Variants in KIFAP3 observed in about 807,000 individuals in gnomAD.
KIFAP3 encodes kinesin-associated protein 3.
KIFAP3 carries 68 observed loss-of-function variants against 106.5 expected under a neutral mutation model. The observed-to-expected ratio is 0.64, with a 90% confidence interval of 0.53 to 0.78. The LOEUF (loss-of-function observed/expected upper bound fraction) is 0.78. KIFAP3 is among the 30% of genes least tolerant of loss of function. The pLI is 0.00. For synonymous variants in KIFAP3, 320 were observed against 311.5 expected (o/e 1.03, Z -0.29); for missense variants, 780 against 941.8 (o/e 0.83, Z 2.25).
At chr1:169,990,514 T>C (rs1184859226) in intron 11 of KIFAP3, among the ~76,000 whole-genome samples, 1 of 152,196 alleles carries the variant, frequency 6.6e-6, no homozygotes, top group African/African-American at 2.4e-5. Flanking sequence ...TCATACATCC[T>C]ACAATTTTTG....
intron 11 of KIFAP3, among the ~76,000 whole-genome samples, chr1:169,988,962 T>C (rs761803010): frequency 1.3e-5 from 2 of 151,562 alleles, no homozygotes; most frequent in Non-Finnish European, 3.0e-5. Context: ...AAGAAAAAAA[T>C]GGGAAAAAGA....
At chr1:170,013,498 A>C (rs74122305) in intron 10 of KIFAP3, among the ~76,000 whole-genome samples, 123 of 147,908 alleles carry the variant, frequency 8.3e-4, no homozygotes, top group African/African-American at 3.0e-3. Context: ...TATATATATA[A>C]AATACATATA....
intron 10 of KIFAP3, among the ~76,000 whole-genome samples, chr1:170,000,925 A>T (rs959950285): frequency 2.0e-5 from 3 of 152,146 alleles, no homozygotes; most frequent in African/African-American, 7.2e-5. Flanking sequence ...TGGTTCACGG[A>T]TAAGTAATTT....
chr1:169,994,996 G>C (rs2101942243), intron 10 of KIFAP3, among the ~76,000 whole-genome samples: 1 of 152,164 alleles, frequency 6.6e-6, no homozygotes, highest in East Asian at 1.9e-4. Context: ...TATTTGGCGG[G>C]CAGTAGGTAA....
At chr1:170,026,051 G>C (rs970081216) in intron 8 of KIFAP3, among the ~76,000 whole-genome samples, 3 of 152,202 alleles carry the variant, frequency 2.0e-5, no homozygotes, top group African/African-American at 7.2e-5. Flanking sequence ...GAGACCGACA[G>C]AGTGGGAAGA....
chr1:170,003,431 A>C (rs1305907311), intron 10 of KIFAP3, among the ~76,000 whole-genome samples: 1 of 152,236 alleles, frequency 6.6e-6, no homozygotes, highest in Non-Finnish European at 1.5e-5. Context: ...GTGAGGTGTC[A>C]GTCCACACCT....
intron 2 of KIFAP3, among the ~76,000 whole-genome samples, chr1:170,049,780 G>GCAA (rs570512525): frequency 2.0e-5 from 3 of 150,416 alleles, no homozygotes; most frequent in Non-Finnish European, 4.4e-5. Context: ...CACACAGAGA[G>GCAA]CAACAACAAC....
At chr1:170,018,870 T>C (rs1668662730) in intron 9 of KIFAP3, among the ~76,000 whole-genome samples, 1 of 152,182 alleles carries the variant, frequency 6.6e-6, no homozygotes, top group African/African-American at 2.4e-5. Flanking sequence ...AGCCACACTG[T>C]AGTCATACCC....
intron 1 of KIFAP3, 118 bp downstream of exon 1, chr1:170,074,318 C>G (rs1353856585): frequency 8.2e-7 from 1 of 1,221,450 alleles, no homozygotes; most frequent in Non-Finnish European, 1.2e-6. Flanking sequence ...TGACTTCTCT[C>G]CCTGCTTCCC....
At chr1:170,006,444 A>G (rs1403330173) in intron 10 of KIFAP3, among the ~76,000 whole-genome samples, 2 of 152,024 alleles carry the variant, frequency 1.3e-5, no homozygotes, top group Non-Finnish European at 2.9e-5. Flanking sequence ...CATAGAGCTT[A>G]TGTTGCTGGG....
chr1:170,012,049 T>C (rs1261830556), intron 10 of KIFAP3, among the ~76,000 whole-genome samples: 1 of 152,092 alleles, frequency 6.6e-6, no homozygotes, highest in South Asian at 2.1e-4. Flanking sequence ...TTACTAGGAA[T>C]AGAACCCTTG....
Position 169,983,300 on chromosome 1 carries a change from C to G in KIFAP3, c.1476G>C (p.Gln492His). 1 of 1,607,756 alleles carries G rather than the reference C, an allele frequency of 6.2e-7. No individual in the cohort carries two copies. The highest frequency in any genetic ancestry group is 1.3e-5 in the African/African-American group (1 of 74,684). ...ACAGATTTTTAGTTGGTCCATCATG[C>G]TGAGAAATGTTTCTAATCATTTTCA... is the stretch of plus-strand genomic sequence containing the variant. ...LLMKMIRNIS[Q>H]HDGPTKNLFI... Residue 492 changes from glutamine to histidine, a missense_variant, in exon 13 of 20, where the codon CAG becomes CAC. Transcript: ENST00000361580.
intron 19 of KIFAP3, among the ~76,000 whole-genome samples, chr1:169,945,466 C>A (rs1488889263): frequency 6.6e-6 from 1 of 152,132 alleles, no homozygotes; most frequent in African/African-American, 2.4e-5. Flanking sequence ...CTCTGTGTAG[C>A]TCACAGTGTC....
At chr1:169,969,510 C>T (rs1665799225) in intron 17 of KIFAP3, among the ~76,000 whole-genome samples, 1 of 151,928 alleles carries the variant, frequency 6.6e-6, no homozygotes, top group Admixed American at 6.6e-5. Flanking sequence ...ACCTACTTTT[C>T]CAAGTTTAGA....
intron 10 of KIFAP3, among the ~76,000 whole-genome samples, chr1:170,015,786 G>A (rs754866493): frequency 1.3e-5 from 2 of 152,124 alleles, no homozygotes; most frequent in Non-Finnish European, 2.9e-5. Flanking sequence ...GAGATTTAAC[G>A]CCCTACTAAG....
chr1:169,944,021 G>T (rs1000569875), intron 19 of KIFAP3, among the ~76,000 whole-genome samples: 26 of 152,176 alleles, frequency 1.7e-4, no homozygotes, highest in African/African-American at 6.3e-4. Context: ...TTGGGGTGTT[G>T]CTTTGCCACC....
rs556910159 is a variant in KIFAP3 at position 169,953,513 on chromosome 1, T to G, written c.2273+498A>C. ...TGAAGAGCATATTTTGTTTTAGATCTGTGATCCCCATTTTTTTTTTGAGAC... is the reference window on the plus strand; with the variant it reads ...TGAAGAGCATATTTTGTTTTAGATCGGTGATCCCCATTTTTTTTTTGAGAC... On this transcript the variant is annotated intron_variant, in intron 19 of 19. Coordinates refer to ENST00000361580, the MANE Select transcript of KIFAP3 (RefSeq NM_014970.4). 2.6e-5 allele frequency among the ~76,000 whole-genome samples: 4 copies of G among 152,250 alleles called. No individual in the cohort carries two copies. In the South Asian group the frequency reaches 8.3e-4, roughly 32 times the overall value.
intron 7 of KIFAP3, 166 bp from the exon 8 acceptor site, chr1:170,032,150 A>G: frequency 2.0e-6 from 1 of 508,318 alleles, no homozygotes; most frequent in Non-Finnish European, 3.5e-6. Context: ...GTGCTGTAAC[A>G]GCACTTCTTA....
chr1:169,942,917 C>CT (rs1553273134), intron 19 of KIFAP3, among the ~76,000 whole-genome samples: 4 of 106,300 alleles, frequency 3.8e-5, no homozygotes, highest in Admixed American at 1.4e-4. Context: ...GACGCCCCCC[C>CT]CCACCCCTTT....
Sources: allele counts gnomAD v4.1 joint callset (sites outside exome capture counted in the v4.1 genomes callset), GRCh38; gene constraint gnomAD v4.1.1; transcripts MANE v1.5; gene names NCBI Gene and HGNC (gene_info 2026-07-23, HGNC 2026-07-21).